Variants in ZC3HAV1 observed in about 807,000 individuals in gnomAD.
ZC3HAV1 encodes the protein zinc finger CCCH-type containing, antiviral 1, also known as zinc finger CCCH-type antiviral protein 1.
In ZC3HAV1, 41 loss-of-function variants were observed where a neutral mutation model predicts 86.6. The ratio of observed to expected loss-of-function variants is 0.47; its 90% CI spans 0.37 to 0.61. The LOEUF (loss-of-function observed/expected upper bound fraction) is 0.61. Ranked by LOEUF, ZC3HAV1 falls within the 20% of genes least tolerant of loss-of-function variation. ZC3HAV1 has a pLI of 0.00. For missense variants in ZC3HAV1, 964 were observed against 1,141.1 expected (o/e 0.84, Z 2.24); for synonymous variants, 421 against 432.1 (o/e 0.97, Z 0.32).
chr7:139,065,532 TAAAC>T (rs1039570960), intron 7 of ZC3HAV1, among the ~76,000 whole-genome samples: 5 of 152,142 alleles, frequency 3.3e-5, no homozygotes, highest in African/African-American at 1.2e-4. Flanking sequence ...CCAGAGTAAG[TAAAC>T]AAAATTGGCC....
At chr7:139,058,451 C>CAG (rs1816351489) in intron 9 of ZC3HAV1, among the ~76,000 whole-genome samples, 1 of 141,568 alleles carries the variant, frequency 7.1e-6, no homozygotes, top group African/African-American at 3.0e-5. Flanking sequence ...CCCCCCCCCC[C>CAG]CCCACAAAAA....
intron 5 of ZC3HAV1, among the ~76,000 whole-genome samples, chr7:139,077,329 C>T (rs1462427745): frequency 6.6e-6 from 1 of 152,150 alleles, no homozygotes; most frequent in Non-Finnish European, 1.5e-5. Context: ...CTGCAACCTC[C>T]ACCTCCCGGG....
intron 8 of ZC3HAV1, among the ~76,000 whole-genome samples, chr7:139,063,812 A>C (rs1816519668): frequency 6.6e-6 from 1 of 152,056 alleles, no homozygotes; most frequent in African/African-American, 2.4e-5. Context: ...CATAATCAAA[A>C]TCTTTAACAA....
intron 8 of ZC3HAV1, among the ~76,000 whole-genome samples, 158 bp downstream of exon 8, chr7:139,064,721 C>T (rs558127572): frequency 6.6e-6 from 1 of 152,344 alleles, no homozygotes; most frequent in South Asian, 2.1e-4. Flanking sequence ...CTCTAGAACA[C>T]AGGTCTTCTG....
intron 7 of ZC3HAV1, among the ~76,000 whole-genome samples, chr7:139,072,833 A>G (rs1816819553): frequency 6.6e-6 from 1 of 152,292 alleles, no homozygotes; most frequent in South Asian, 2.1e-4. Flanking sequence ...GCCATCATCC[A>G]TACAGTCCTT....
In ZC3HAV1 at chr7:139,047,164, T is replaced by TA. The variant is rs1329812686; in HGVS notation, c.*429dup. ...CAACACAGTGAAACCCTGTCTCTAC[T>TA]AAAAAATACAAAAAATTAGCTGGGC... On this transcript the variant is annotated 3_prime_UTR_variant, in exon 13 of 13. Coordinates refer to ENST00000242351, the MANE Select transcript of ZC3HAV1 (RefSeq NM_020119.4). 10 of 199,568 alleles carry TA rather than the reference T, an allele frequency of 5.0e-5. No individual in the cohort carries two copies. Among genetic ancestry groups the TA allele is most frequent in the Non-Finnish European group, 8.0e-5 (8 of 99,432 alleles). 12.4% of individuals were successfully genotyped at this position (199,568 alleles called of 1,614,324 possible).
chr7:139,088,947 T>C lies in ZC3HAV1; in HGVS notation c.444+677A>G, dbSNP rs1472175368. 2.0e-5 allele frequency among the ~76,000 whole-genome samples: 3 copies of C among 151,768 alleles called. No individual in the cohort carries two copies. In the South Asian group the frequency reaches 6.2e-4, roughly 32 times the overall value. On this transcript the variant is annotated intron_variant, in intron 2 of 12. Coordinates refer to ENST00000242351, the MANE Select transcript of ZC3HAV1 (RefSeq NM_020119.4). The stretch of plus-strand genomic sequence containing the variant: ...GTGAAACCCTGTCTCTACTAAAATA[T>C]AAAAATTAGCCGGGCATGGTGGCAG...
chr7:139,050,873 C>G (rs1297418654), intron 12 of ZC3HAV1, among the ~76,000 whole-genome samples: 1 of 152,108 alleles, frequency 6.6e-6, no homozygotes, highest in East Asian at 1.9e-4. Context: ...TAAATTCATT[C>G]CCCAGCTTAA....
chr7:139,072,301 C>G (rs1816797670), intron 7 of ZC3HAV1, among the ~76,000 whole-genome samples: 1 of 152,034 alleles, frequency 6.6e-6, no homozygotes, highest in Non-Finnish European at 1.5e-5. Flanking sequence ...TCTCCTGCCT[C>G]AGACTCCTGA....
intron 2 of ZC3HAV1, among the ~76,000 whole-genome samples, chr7:139,084,627 C>T (rs1339687257): frequency 6.6e-6 from 1 of 152,158 alleles, no homozygotes; most frequent in Non-Finnish European, 1.5e-5. Context: ...AAATCTGAGG[C>T]CCTGGAAGCA....
chr7:139,064,832 C>A (rs1273286807), intron 8 of ZC3HAV1, 47 bp downstream of exon 8: 1 of 1,613,654 alleles, frequency 6.2e-7, no homozygotes, highest in Non-Finnish European at 8.5e-7. Flanking sequence ...GTGTACACTG[C>A]AGGCGGATTT....
chr7:139,087,846 T>C (rs907219134), intron 2 of ZC3HAV1, among the ~76,000 whole-genome samples: 2 of 151,530 alleles, frequency 1.3e-5, no homozygotes, highest in Admixed American at 6.6e-5. Flanking sequence ...CTGGTCAACA[T>C]AGTGAGACCC....
At chr7:139,067,560 T>C (rs1028425286) in intron 7 of ZC3HAV1, among the ~76,000 whole-genome samples, 3 of 152,236 alleles carry the variant, frequency 2.0e-5, no homozygotes, top group Non-Finnish European at 4.4e-5. Flanking sequence ...CTCAGAAGGA[T>C]AGGGCAGGTT....
Position 139,089,500 on chromosome 7 carries a change from C to T in ZC3HAV1, c.444+124G>A, listed in dbSNP as rs1199734647. The T allele has an allele frequency of 7.1e-6, 9 of 1,268,194 alleles. No individual in the cohort carries two copies. The African/African-American group carries it at 1.4e-4, about 20-fold the overall frequency. The allele number at this position is 1,268,194 out of a possible 1,614,324, so 78.6% of individuals were successfully genotyped here. A position where few individuals can be genotyped will look rare whatever the true frequency, so the allele number is the denominator to read the frequency against. On this transcript the variant is annotated intron_variant, in intron 2 of 12. Transcript: ENST00000242351. ...ATCTCTTAGTTCACTCAATAACAGC[C>T]TCGACTACCACCTGCAGAACCCTGG...
intron 1 of ZC3HAV1, among the ~76,000 whole-genome samples, chr7:139,095,650 C>A (rs544577991): frequency 3.3e-5 from 5 of 152,168 alleles, no homozygotes; most frequent in African/African-American, 1.2e-4. Flanking sequence ...GCCAAGAATC[C>A]GCACATACCC....
intron 9 of ZC3HAV1, among the ~76,000 whole-genome samples, 190 bp from the exon 10 acceptor site, chr7:139,055,485 T>C (rs1036041553): frequency 6.6e-6 from 1 of 152,238 alleles, no homozygotes; most frequent in Non-Finnish European, 1.5e-5. Context: ...CTTTTAAAAA[T>C]GCTGCAACTA....
intron 8 of ZC3HAV1, among the ~76,000 whole-genome samples, chr7:139,064,272 G>C (rs1816534358): frequency 6.6e-6 from 1 of 152,218 alleles, no homozygotes; most frequent in African/African-American, 2.4e-5. Context: ...CATGTGCAGG[G>C]GGTGCCCAAT....
chr7:139,095,177 G>C (rs907794958), intron 1 of ZC3HAV1, among the ~76,000 whole-genome samples: 1 of 152,040 alleles, frequency 6.6e-6, no homozygotes, highest in Non-Finnish European at 1.5e-5. Flanking sequence ...AAAATCTAGA[G>C]AACATTGAGC....
chr7:139,092,310 G>C (rs892369417), intron 1 of ZC3HAV1, among the ~76,000 whole-genome samples: 9 of 152,328 alleles, frequency 5.9e-5, no homozygotes, highest in Non-Finnish European at 1.2e-4. Context: ...CCAAGATGGA[G>C]TCTGTCTGGC....
Sources: gnomAD v4.1 joint callset for allele counts (sites outside exome capture counted in the v4.1 genomes callset) on GRCh38, gnomAD v4.1.1 for gene constraint, MANE v1.5 for transcripts, NCBI Gene and HGNC (gene_info 2026-07-23, HGNC 2026-07-21) for gene names.